The following EPB41L4B variants were observed in gnomAD, a reference collection of about 807,000 sequenced individuals.
EPB41L4B encodes erythrocyte membrane protein band 4.1 like 4B, also known as band 4.1-like protein 4B.
Under a neutral mutation model 112.5 loss-of-function variants are expected in EPB41L4B, and 30 were observed. That is an observed-to-expected ratio of 0.27 (90% CI 0.20 to 0.36). The LOEUF (loss-of-function observed/expected upper bound fraction) is 0.36, where lower values mean the gene tolerates loss of function less well. EPB41L4B is among the 10% of genes least tolerant of loss of function. EPB41L4B has a pLI of 1.00. For missense variants in EPB41L4B, 1,024 were observed against 1,133.3 expected, an observed-to-expected ratio of 0.90 and a Z score of 1.38; for synonymous variants, 408 against 439.7, an observed-to-expected ratio of 0.93 and a Z score of 0.90.
rs958405712 is a variant in EPB41L4B, at chr9:109,174,193, T to A, written c.*361A>T. The A allele has an allele frequency of 2.9e-5, 5 of 175,306 alleles. No homozygotes were observed. Among genetic ancestry groups the A allele is most frequent in the Non-Finnish European group, 6.1e-5 (5 of 81,820 alleles). 10.9% of individuals were successfully genotyped at this position (175,306 alleles called of 1,614,324 possible). On this transcript the variant is annotated 3_prime_UTR_variant, in exon 26 of 26. Coordinates refer to ENST00000374566, the MANE Select transcript of EPB41L4B (RefSeq NM_019114.5). ...AGTCAAAGCTCGGTGCAAGTTTCAA[T>A]CATACAAAATCAAATGGTTGAAATT...
chr9:109,232,055 A>T (rs904895161), intron 15 of EPB41L4B, among the ~76,000 whole-genome samples: 1 of 151,496 alleles, frequency 6.6e-6, no homozygotes, highest in Non-Finnish European at 1.5e-5. Flanking sequence ...GCAGTGGTGC[A>T]ATCTCCGCTC....
chr9:109,192,258 T>C lies in EPB41L4B; in HGVS notation c.2301+20A>G. The C allele has an allele frequency of 6.3e-7, 1 of 1,595,516 alleles. No individual in the cohort carries two copies. The highest frequency in any genetic ancestry group is 8.5e-7 in the Non-Finnish European group (1 of 1,170,784). ...CTATGGTCTGTGACTTTTCTGGTTT[T>C]AGCAAAATAGGAAGTTTACCAGAGG... On this transcript the variant is annotated intron_variant, in intron 22 of 25. Coordinates refer to ENST00000374566, the MANE Select transcript of EPB41L4B (RefSeq NM_019114.5).
At chr9:109,184,968 T>C (rs1336073114) in intron 23 of EPB41L4B, among the ~76,000 whole-genome samples, 1 of 152,170 alleles carries the variant, frequency 6.6e-6, no homozygotes, top group Non-Finnish European at 1.5e-5. Flanking sequence ...GAGAATATGG[T>C]TACTATGATT....
At chr9:109,238,698 A>G (rs1834241465) in intron 15 of EPB41L4B, among the ~76,000 whole-genome samples, 1 of 152,208 alleles carries the variant, frequency 6.6e-6, no homozygotes, top group African/African-American at 2.4e-5. Flanking sequence ...ACTGGAACAC[A>G]GAAATTAACC....
chr9:109,211,591 T>C (rs189305666), intron 17 of EPB41L4B, among the ~76,000 whole-genome samples: 7 of 140,188 alleles, frequency 5.0e-5, no homozygotes, highest in Admixed American at 2.2e-4. Context: ...TGAGACGCCA[T>C]CTCAAAAAAA....
At chr9:109,265,346 C>CA (rs1835363219) in intron 4 of EPB41L4B, among the ~76,000 whole-genome samples, 1 of 152,228 alleles carries the variant, frequency 6.6e-6, no homozygotes. Context: ...GGCACATGGG[C>CA]ATGCAACATG....
intron 12 of EPB41L4B, among the ~76,000 whole-genome samples, chr9:109,252,935 G>C (rs1398403313): frequency 6.6e-6 from 1 of 152,134 alleles, no homozygotes; most frequent in Non-Finnish European, 1.5e-5. Context: ...TTTGGAAAGG[G>C]GAAGGGGGCA....
chr9:109,256,242 G>A lies in EPB41L4B; in HGVS notation c.841-18C>T. On this transcript the variant is annotated intron_variant, in intron 8 of 25. Coordinates refer to ENST00000374566, the MANE Select transcript of EPB41L4B (RefSeq NM_019114.5). ...TCTCTTCCCTACAAACAAACGAAGT[G>A]ACAATCGGTAGAGGGTTCTAACAGG... The A allele has an allele frequency of 6.2e-7, 1 of 1,611,502 alleles. No homozygotes were observed. Among genetic ancestry groups the A allele is most frequent in the Non-Finnish European group, 8.5e-7 (1 of 1,177,668 alleles).
rs1160066638 is a variant in EPB41L4B at position 109,320,323 on chromosome 9, C to A, written c.124G>T (p.Ala42Ser). 2.3e-5 allele frequency: 23 copies of A among 992,444 alleles called. No individual in the cohort carries two copies. The highest frequency in any genetic ancestry group is 2.0e-5 in the Non-Finnish European group (17 of 836,036). 61.5% of individuals were successfully genotyped at this position (992,444 alleles called of 1,614,324 possible). ...ERDGGPRGGP[A>S]AAASSSALPA... is the part of the protein sequence containing the mutation. ...AGCGCCGAGGAGGAGGCGGCGGCGGCCGGGCCCCCCCGTGGCCCCCCATCG... is the reference window on the plus strand; with the variant it reads ...AGCGCCGAGGAGGAGGCGGCGGCGGACGGGCCCCCCCGTGGCCCCCCATCG... The change falls in exon 1 of 26, where the codon GCC (alanine) becomes TCC (serine). Residue 42 changes from alanine (A) to serine (S), a missense_variant. Physicochemically the swap from Ala to Ser is moderately conservative, Grantham distance 99. Transcript: ENST00000374566.
At chr9:109,258,900 C>G (rs576406490) in intron 6 of EPB41L4B, among the ~76,000 whole-genome samples, 1 of 152,092 alleles carries the variant, frequency 6.6e-6, no homozygotes, top group East Asian at 1.9e-4. Context: ...AGCAGCCACA[C>G]GAGTGATCCG....
intron 1 of EPB41L4B, among the ~76,000 whole-genome samples, chr9:109,315,306 A>G (rs1194501278): frequency 2.0e-5 from 3 of 152,156 alleles, no homozygotes; most frequent in Non-Finnish European, 4.4e-5. Context: ...AATCACCTGG[A>G]GTAACTTGTT....
chr9:109,253,482 G>A lies in EPB41L4B; in HGVS notation c.1238C>T (p.Pro413Leu). The A allele has an allele frequency of 6.2e-7, 1 of 1,613,986 alleles. No homozygotes were observed. Among genetic ancestry groups the A allele is most frequent in the Non-Finnish European group, 8.5e-7 (1 of 1,179,874 alleles). ...TCTCCGGGATGGATAACGTTTACTA[G>A]GCTTCCTCTCAAAGGTGCTGGTTCT... ...LRRTSTFERK[P>L]SKRYPSRRHS... Residue 413 changes from proline (P) to leucine (L), a missense_variant, in exon 12 of 26, where the codon CCT becomes CTT. Coordinates refer to ENST00000374566, the MANE Select transcript of EPB41L4B (RefSeq NM_019114.5).
At position 109,256,332 on chromosome 9, in the gene EPB41L4B, A is replaced by T. The variant is rs1175875264; in HGVS notation, c.840+61T>A. On this transcript the variant is annotated intron_variant, in intron 8 of 25. Transcript: ENST00000374566. The stretch of plus-strand genomic sequence containing the variant: ...TCACCACAAGTTATTTTGTTTGCAT[A>T]ATGTTCATACATTTTTCAGTAACAG... 1.9e-6 allele frequency: 3 copies of T among 1,595,658 alleles called. No homozygotes were observed. In the African/African-American group the frequency reaches 4.0e-5, roughly 21 times the overall value.
chr9:109,261,071 G>A (rs1835183614), intron 6 of EPB41L4B, among the ~76,000 whole-genome samples: 1 of 152,222 alleles, frequency 6.6e-6, no homozygotes, highest in African/African-American at 2.4e-5. Context: ...ACCTCTGGCA[G>A]CTCAGGAACT....
chr9:109,182,162 T>A lies in EPB41L4B; in HGVS notation c.2487+567A>T, dbSNP rs548671678. On this transcript the variant is annotated intron_variant, in intron 24 of 25. Coordinates refer to ENST00000374566, the MANE Select transcript of EPB41L4B (RefSeq NM_019114.5). The stretch of plus-strand genomic sequence containing the variant: ...AGGTGGAGGTTGAAGTGAGCCGAGA[T>A]CGTGCCACTGCACTCCAGCCTTGGC... Among the ~76,000 whole-genome samples, 4 of 152,294 alleles carry A rather than the reference T, an allele frequency of 2.6e-5. No individual in the cohort carries two copies. In the South Asian group the frequency reaches 8.3e-4, roughly 32 times the overall value.
chr9:109,224,814 T>C (rs1833704640), intron 15 of EPB41L4B, among the ~76,000 whole-genome samples: 3 of 152,178 alleles, frequency 2.0e-5, no homozygotes. Flanking sequence ...CTGAGAACCA[T>C]TGCTGTAGTA....
In EPB41L4B at chr9:109,320,391, C is replaced by G. The variant is rs1248307311; in HGVS notation, c.56G>C (p.Arg19Pro). The stretch of plus-strand genomic sequence containing the variant: ...GGCGGCCCCGCGCCCCGCCGCGCCC[C>G]GCGCGTAGCGCTGCATGGAGCGGCG... ...FGRRSMQRYARGAAGRGAAGL... is the reference protein window; with the variant it reads ...FGRRSMQRYAPGAAGRGAAGL... The change falls in exon 1 of 26, where the codon CGG (arginine) becomes CCG (proline). Residue 19 changes from arginine to proline, a missense_variant. Arg to Pro is a moderately radical substitution (Grantham distance 103). Coordinates refer to ENST00000374566, the MANE Select transcript of EPB41L4B (RefSeq NM_019114.5). The G allele has an allele frequency of 2.1e-5, 21 of 983,024 alleles. No homozygotes were observed. The highest frequency in any genetic ancestry group is 2.4e-5 in the Non-Finnish European group (20 of 829,728). 60.9% of individuals were successfully genotyped at this position (983,024 alleles called of 1,614,324 possible).
intron 9 of EPB41L4B, 119 bp downstream of exon 9, chr9:109,256,017 A>C: frequency 1.8e-6 from 2 of 1,140,032 alleles, no homozygotes; most frequent in Non-Finnish European, 2.6e-6. Context: ...CAACAGCAGC[A>C]CCGTGTGCTC....
At chr9:109,262,250 C>G (rs1254009404) in intron 6 of EPB41L4B, among the ~76,000 whole-genome samples, 1 of 152,162 alleles carries the variant, frequency 6.6e-6, no homozygotes. Context: ...TTCAGGTACT[C>G]AAGAACCTGC....
Sources: allele counts gnomAD v4.1 joint callset (sites outside exome capture counted in the v4.1 genomes callset), GRCh38; gene constraint gnomAD v4.1.1; transcripts MANE v1.5; gene names NCBI Gene and HGNC (gene_info 2026-07-23, HGNC 2026-07-21).